Variants in ARFIP1 observed in about 807,000 individuals in gnomAD.
The protein encoded by ARFIP1 is arfaptin-1.
ARFIP1 carries 24 observed loss-of-function variants against 42.5 expected under a neutral mutation model. The observed-to-expected ratio is 0.57, with a 90% CI of 0.41 to 0.80. The LOEUF (loss-of-function observed/expected upper bound fraction) is 0.80. Ranked by LOEUF, ARFIP1 falls within the 30% of genes least tolerant of loss-of-function variation. The probability of loss-of-function intolerance (pLI) is 0.00; values close to 1 mark genes in which losing one functional copy is unlikely to be tolerated. For missense variants in ARFIP1, 354 were observed against 434.0 expected (o/e 0.82, Z 1.64); for synonymous variants, 141 against 153.7 (o/e 0.92, Z 0.61).
rs145188974 is a variant in ARFIP1 at position 152,831,691 on chromosome 4, A to G, written c.93+1965A>G. On this transcript the variant is annotated intron_variant, in intron 2 of 8. Transcript: ENST00000353617. ...CTATCAGTGGAATCATACAGTGTGT[A>G]CTCTTTTTCAACTGGCTTTCACTCA... Among the ~76,000 whole-genome samples, 1,225 of 152,114 alleles carry G rather than the reference A, an allele frequency of 8.1e-3. 22 individuals are homozygous for G. Among genetic ancestry groups the G allele is most frequent in the African/African-American group, 0.028 (1,152 of 41,484 alleles).
rs754778801 is a variant in ARFIP1 at position 152,910,112 on chromosome 4, G to T, written c.1015G>T (p.Ala339Ser). The T allele has an allele frequency of 3.5e-5, 56 of 1,614,012 alleles. No homozygotes were observed. Among genetic ancestry groups the T allele is most frequent in the Non-Finnish European group, 4.4e-5 (52 of 1,179,996 alleles). The change falls in exon 9 of 9, where the codon GCT (alanine) becomes TCT (serine). Residue 339 changes from alanine to serine, a missense_variant. Transcript: ENST00000353617. ...QLVLFHNAIA[A>S]YFAGNQKQLE... ...GGTCCTTTTCCACAATGCCATTGCCGCTTACTTTGCTGGGAATCAGAAGCA... is the reference window on the plus strand; with the variant it reads ...GGTCCTTTTCCACAATGCCATTGCCTCTTACTTTGCTGGGAATCAGAAGCA...
At chr4:152,832,725 A>C (rs1416759223) in intron 2 of ARFIP1, among the ~76,000 whole-genome samples, 1 of 152,162 alleles carries the variant, frequency 6.6e-6, no homozygotes, top group African/African-American at 2.4e-5. Flanking sequence ...ATGGTCTGTG[A>C]TTCATCTTGA....
chr4:152,890,163 G>T (rs1320985992), intron 8 of ARFIP1, among the ~76,000 whole-genome samples: 1 of 151,840 alleles, frequency 6.6e-6, no homozygotes, highest in Non-Finnish European at 1.5e-5. Context: ...GAAACATAAG[G>T]TTCATGTGAT....
chr4:152,803,962 T>C (rs530923166), intron 1 of ARFIP1, among the ~76,000 whole-genome samples: 12 of 125,832 alleles, frequency 9.5e-5, no homozygotes, highest in Admixed American at 3.1e-4. Flanking sequence ...AATGTGTATA[T>C]ATATAACATG....
chr4:152,833,474 A>G (rs1056295442), intron 2 of ARFIP1, among the ~76,000 whole-genome samples: 3 of 152,232 alleles, frequency 2.0e-5, no homozygotes, highest in Non-Finnish European at 4.4e-5. Flanking sequence ...AAAAAATTAA[A>G]GTAGAACGAC....
intron 8 of ARFIP1, among the ~76,000 whole-genome samples, chr4:152,895,194 G>A (rs62319951): frequency 0.043 from 6,618 of 152,208 alleles, 178 homozygotes; most frequent in South Asian, 0.11. Flanking sequence ...TAAGTATAGT[G>A]GCTTAGACAA....
intron 3 of ARFIP1, among the ~76,000 whole-genome samples, chr4:152,867,686 C>CTGA (rs1465357559): frequency 1.3e-5 from 2 of 152,064 alleles, no homozygotes; most frequent in Non-Finnish European, 2.9e-5. Context: ...CCATCATGAA[C>CTGA]TGATATACAT....
intron 1 of ARFIP1, among the ~76,000 whole-genome samples, chr4:152,813,258 T>C (rs1729608555): frequency 6.6e-6 from 1 of 152,212 alleles, no homozygotes; most frequent in Non-Finnish European, 1.5e-5. Context: ...CATCATTTTA[T>C]ATAAGGGCCC....
chr4:152,801,645 G>GT (rs2149823402), intron 1 of ARFIP1, among the ~76,000 whole-genome samples: 1 of 152,314 alleles, frequency 6.6e-6, no homozygotes, highest in African/African-American at 2.4e-5. Flanking sequence ...GCTGCAGACA[G>GT]TAACGTTTAT....
chr4:152,817,559 T>C (rs1253052006), intron 1 of ARFIP1, among the ~76,000 whole-genome samples: 1 of 152,202 alleles, frequency 6.6e-6, no homozygotes, highest in East Asian at 1.9e-4. Context: ...AAGGATTTCC[T>C]GGTTATGAAA....
intron 2 of ARFIP1, among the ~76,000 whole-genome samples, chr4:152,848,146 C>T (rs896900961): frequency 6.6e-6 from 1 of 151,946 alleles, no homozygotes; most frequent in Admixed American, 6.6e-5. Context: ...AGAAAAAAGG[C>T]CCTTGAAGTT....
intron 8 of ARFIP1, among the ~76,000 whole-genome samples, chr4:152,903,580 A>G (rs750845037): frequency 3.9e-5 from 6 of 152,074 alleles, no homozygotes; most frequent in Non-Finnish European, 8.8e-5. Context: ...GTGCATGTAT[A>G]CTTTAAAAGG....
At chr4:152,826,531 AC>A (rs1561125629) in intron 1 of ARFIP1, among the ~76,000 whole-genome samples, 6 of 152,202 alleles carry the variant, frequency 3.9e-5, no homozygotes. Flanking sequence ...AATGTACACT[AC>A]CGGGGTGACG....
intron 2 of ARFIP1, among the ~76,000 whole-genome samples, chr4:152,851,756 T>A (rs1272541970): frequency 6.6e-6 from 1 of 152,198 alleles, no homozygotes; most frequent in Non-Finnish European, 1.5e-5. Flanking sequence ...GGATATATAT[T>A]TTAAAACAAA....
intron 2 of ARFIP1, among the ~76,000 whole-genome samples, chr4:152,860,515 CA>C (rs1224288917): frequency 6.6e-6 from 1 of 152,152 alleles, no homozygotes; most frequent in Non-Finnish European, 1.5e-5. Flanking sequence ...TAAAATGCAA[CA>C]AAAGAGTCAC....
chr4:152,830,758 A>G (rs1259324530), intron 2 of ARFIP1, among the ~76,000 whole-genome samples: 3 of 152,216 alleles, frequency 2.0e-5, no homozygotes, highest in Admixed American at 2.0e-4. Context: ...AGATGCCAGT[A>G]GTACCCTGCA....
intron 8 of ARFIP1, among the ~76,000 whole-genome samples, chr4:152,906,884 C>T (rs575314726): frequency 6.6e-6 from 1 of 152,152 alleles, no homozygotes; most frequent in East Asian, 1.9e-4. Flanking sequence ...CTTGCTATTT[C>T]CTCTGTGTGG....
At chr4:152,805,310 T>G (rs1356019356) in intron 1 of ARFIP1, among the ~76,000 whole-genome samples, 1 of 152,212 alleles carries the variant, frequency 6.6e-6, no homozygotes, top group African/African-American at 2.4e-5. Context: ...AAAAGGGATT[T>G]ACCAAGAGGC....
chr4:152,791,814 A>G (rs530075872), intron 1 of ARFIP1, among the ~76,000 whole-genome samples: 2 of 152,316 alleles, frequency 1.3e-5, no homozygotes, highest in Admixed American at 1.3e-4. Flanking sequence ...CAGAAAGAAT[A>G]TGTTTTTCCT....
Sources: allele counts gnomAD v4.1 joint callset (sites outside exome capture counted in the v4.1 genomes callset), GRCh38; gene constraint gnomAD v4.1.1; transcripts MANE v1.5; gene names NCBI Gene and HGNC (gene_info 2026-07-23, HGNC 2026-07-21).